The following TOGARAM1 variants were observed in gnomAD, a reference collection of about 807,000 sequenced individuals.
The protein encoded by TOGARAM1 is TOG array regulator of axonemal microtubules protein 1.
TOGARAM1 carries 100 observed loss-of-function variants against 166.6 expected under a neutral mutation model. That is an observed-to-expected ratio of 0.60 (90% confidence interval 0.51 to 0.71). TOGARAM1 has a LOEUF of 0.71. Among genes scored for constraint, TOGARAM1 ranks in the 30% least tolerant of loss-of-function variants. TOGARAM1 has a pLI of 0.00. For missense variants in TOGARAM1, 2,029 were observed against 2,102.7 expected (o/e 0.96, Z 0.69); for synonymous variants, 758 against 763.8 (o/e 0.99, Z 0.13).
intron 1 of TOGARAM1, chr14:44,978,184 A>G (rs1199114097): frequency 6.6e-6 from 1 of 152,220 alleles, no homozygotes; most frequent in Non-Finnish European, 1.5e-5. Context: ...GAGAATCATG[A>G]AGAGTTAAGT....
intron 7 of TOGARAM1, among the ~76,000 whole-genome samples, chr14:45,019,059 G>A (rs746923407): frequency 3.9e-5 from 6 of 152,136 alleles, no homozygotes; most frequent in Non-Finnish European, 8.8e-5. Context: ...GAACAAACAC[G>A]TTGAAAACCA....
At chr14:45,067,660 A>T (rs1456027354) in intron 17 of TOGARAM1, among the ~76,000 whole-genome samples, 1 of 152,262 alleles carries the variant, frequency 6.6e-6, no homozygotes, top group South Asian at 2.1e-4. Context: ...TGAAGAAAAG[A>T]ACCATATTAC....
intron 1 of TOGARAM1, among the ~76,000 whole-genome samples, chr14:44,965,948 C>T (rs1032783120): frequency 6.7e-6 from 1 of 148,300 alleles, no homozygotes; most frequent in Admixed American, 6.7e-5. Flanking sequence ...AATCTCAGCT[C>T]ACTGCAACCT....
At chr14:44,988,152 G>GT (rs1341220383) in intron 1 of TOGARAM1, among the ~76,000 whole-genome samples, 14 of 151,618 alleles carry the variant, frequency 9.2e-5, no homozygotes, top group African/African-American at 2.9e-4. Flanking sequence ...TATACCTAAT[G>GT]TAAATGATGA....
chr14:45,030,012 G>T (rs989189584), intron 10 of TOGARAM1, among the ~76,000 whole-genome samples: 3 of 152,034 alleles, frequency 2.0e-5, no homozygotes, highest in Non-Finnish European at 4.4e-5. Flanking sequence ...AGTCAAGACG[G>T]GGTTTCACCA....
At chr14:44,970,711 CTG>C (rs896517677) in intron 1 of TOGARAM1, among the ~76,000 whole-genome samples, 63 of 152,164 alleles carry the variant, frequency 4.1e-4, no homozygotes, top group Admixed American at 3.1e-3. Context: ...AAAGTTCCCC[CTG>C]TATTCCTAGT....
At chr14:45,073,113 C>T (rs1318387621) in intron 19 of TOGARAM1, among the ~76,000 whole-genome samples, 183 bp from the exon 20 acceptor site, 6 of 152,146 alleles carry the variant, frequency 3.9e-5, no homozygotes, top group Non-Finnish European at 2.9e-5. Context: ...GATTCTAATA[C>T]CATATTTGAA....
rs1422379246 is a variant in TOGARAM1 at position 45,048,609 on chromosome 14, C to T, written c.4313+1906C>T. ...TGGCATGGCTCACCTCAGTTCACTG[C>T]CTATGGTTTCAGAAGGCCAAAATCA... On this transcript the variant is annotated intron_variant, in intron 14 of 19. Coordinates refer to ENST00000361462, the MANE Select transcript of TOGARAM1 (RefSeq NM_001308120.2). Among the ~76,000 whole-genome samples the T allele has an allele frequency of 2.0e-5, 3 of 152,264 alleles. No individual in the cohort carries two copies. The South Asian group carries it at 6.2e-4, about 32-fold the overall frequency.
chr14:45,044,791 G>A lies in TOGARAM1; in HGVS notation c.4075G>A (p.Val1359Ile), dbSNP rs937724128. The A allele has an allele frequency of 3.1e-6, 5 of 1,614,110 alleles. No homozygotes were observed. Among genetic ancestry groups the A allele is most frequent in the African/African-American group, 1.3e-5 (1 of 75,046 alleles). The change falls in exon 13 of 20, where the codon GTT becomes ATT. Residue 1359 changes from valine (V) to isoleucine (I), a missense_variant. Coordinates refer to ENST00000361462, the MANE Select transcript of TOGARAM1 (RefSeq NM_001308120.2). ...GESNTFIRED[V>I]DKALRAMVNN... ...ATCAAATACATTTATAAGAGAAGAT[G>A]TTGACAAAGCATTGAGAGCTATGGT... is the stretch of plus-strand genomic sequence containing the variant.
intron 1 of TOGARAM1, among the ~76,000 whole-genome samples, chr14:44,978,813 AAG>A (rs1398385156): frequency 2.0e-5 from 3 of 151,546 alleles, no homozygotes; most frequent in African/African-American, 7.3e-5. Flanking sequence ...AATTAAAAAA[AAG>A]AGAAAAAAAA....
In TOGARAM1 at chr14:45,044,674, G is replaced by C; in HGVS notation, c.3958G>C (p.Val1320Leu). The change falls in exon 13 of 20, where the codon GTC becomes CTC. Residue 1320 changes from valine (V) to leucine (L), a missense_variant. Around this residue, in one of 2 missense-constraint regions of TOGARAM1, gnomAD observed 576 missense variants for 670.5 expected, o/e 0.86. Coordinates refer to ENST00000361462, the MANE Select transcript of TOGARAM1 (RefSeq NM_001308120.2). ...LRSGVSRAAV[V>L]CLSDLFTYLK... ...TTCTGGAGTTTCTCGTGCTGCTGTG[G>C]TCTGTTTAAGTGATCTTTTCACTTA... 3.1e-6 allele frequency: 5 copies of C among 1,613,410 alleles called. No individual in the cohort carries two copies. The highest frequency in any genetic ancestry group is 4.2e-6 in the Non-Finnish European group (5 of 1,179,754).
Position 45,004,353 on chromosome 14 carries a change from G to A in TOGARAM1, c.2631G>A (p.Thr877=), listed in dbSNP as rs369978624. ...KLVSQKSSDP[T]GRNHGENSQE... ...TCAGCCAAAAATCGTCTGATCCTACGGGTAGAAATCATGGTAAAAGTCAAT... is the reference window on the plus strand; with the variant it reads ...TCAGCCAAAAATCGTCTGATCCTACAGGTAGAAATCATGGTAAAAGTCAAT... Residue 877 remains threonine, a synonymous_variant, in exon 4 of 20, where the codon ACG becomes ACA. Coordinates refer to ENST00000361462, the MANE Select transcript of TOGARAM1 (RefSeq NM_001308120.2). 38 of 1,612,624 alleles carry A rather than the reference G, an allele frequency of 2.4e-5. No homozygotes were observed. Among genetic ancestry groups the A allele is most frequent in the Non-Finnish European group, 1.9e-5 (22 of 1,179,596 alleles).
rs374851681 is a variant in TOGARAM1, at chr14:44,971,090, A to G, written c.2046+6623A>G. Among the ~76,000 whole-genome samples the G allele has an allele frequency of 6.6e-5, 10 of 152,030 alleles. No homozygotes were observed. In the South Asian group the frequency reaches 1.9e-3, roughly 28 times the overall value. On this transcript the variant is annotated intron_variant, in intron 1 of 19. Transcript: ENST00000361462. ...GGCCTTTTAGAATGAGTCAGAAAGT[A>G]TTCTCCCTGCTTCTATATTCTGAAG...
At chr14:44,987,648 C>G (rs1164944273) in intron 1 of TOGARAM1, among the ~76,000 whole-genome samples, 1 of 149,908 alleles carries the variant, frequency 6.7e-6, no homozygotes, top group African/African-American at 2.5e-5. Context: ...CACTTTTACA[C>G]TGTTGGTGGG....
intron 16 of TOGARAM1, among the ~76,000 whole-genome samples, chr14:45,056,250 G>C (rs531222459): frequency 7.2e-5 from 11 of 151,984 alleles, no homozygotes; most frequent in African/African-American, 2.2e-4. Flanking sequence ...TACTGAATTC[G>C]CTTATCAAAT....
intron 13 of TOGARAM1, among the ~76,000 whole-genome samples, chr14:45,045,974 G>T (rs923272674): frequency 2.0e-5 from 3 of 151,612 alleles, no homozygotes; most frequent in African/African-American, 7.3e-5. Context: ...TTGTAATAAC[G>T]TTACCCTATT....
chr14:45,068,062 C>T (rs1883213509), intron 17 of TOGARAM1, among the ~76,000 whole-genome samples: 1 of 152,088 alleles, frequency 6.6e-6, no homozygotes, highest in Non-Finnish European at 1.5e-5. Context: ...AAAACAGAAA[C>T]TTTTCTAAGT....
At chr14:44,970,850 A>G (rs907426188) in intron 1 of TOGARAM1, among the ~76,000 whole-genome samples, 1 of 152,116 alleles carries the variant, frequency 6.6e-6, no homozygotes, top group Non-Finnish European at 1.5e-5. Flanking sequence ...ATTGATTTTC[A>G]AATGTTGAGC....
Position 44,963,750 on chromosome 14 carries a change from G to A in TOGARAM1, c.1329G>A (p.Val443=), listed in dbSNP as rs1374542914. 3 of 1,613,900 alleles carry A rather than the reference G, an allele frequency of 1.9e-6. No homozygotes were observed. The highest frequency in any genetic ancestry group is 1.7e-5 in the Admixed American group (1 of 59,988). ...LGPVIAASVK[V]LADNKLVIKQ... is the part of the protein sequence containing the mutation. ...CAGTTATAGCAGCTTCTGTCAAAGT[G>A]CTGGCGGACAACAAGTTGGTGATCA... The change falls in exon 1 of 20, where the codon GTG becomes GTA. Residue 443 remains valine (V), a synonymous_variant. Coordinates refer to ENST00000361462, the MANE Select transcript of TOGARAM1 (RefSeq NM_001308120.2).
Sources: allele counts gnomAD v4.1 joint callset (sites outside exome capture counted in the v4.1 genomes callset), GRCh38; gene constraint gnomAD v4.1.1; regional missense constraint gnomAD v4.1.1; transcripts MANE v1.5; gene names NCBI Gene and HGNC (gene_info 2026-07-23, HGNC 2026-07-21).